The following GLIS3 variants were observed in gnomAD, a reference collection of about 807,000 sequenced individuals.
GLIS3 encodes GLIS family zinc finger 3, also known as zinc finger protein GLIS3.
Under a neutral mutation model 78.6 loss-of-function variants are expected in GLIS3, and 53 were observed. The observed-to-expected ratio is 0.67, with a 90% CI of 0.54 to 0.85. The LOEUF is 0.85. GLIS3 is among the 40% of genes least tolerant of loss of function. The pLI is 0.00. For synonymous variants in GLIS3, 684 were observed against 509.9 expected, an observed-to-expected ratio of 1.34 and a Z score of -4.60; for missense variants, 1,703 against 1,231.1, an observed-to-expected ratio of 1.38 and a Z score of -5.74.
chr9:4,458,745 A>G, the GLIS3 span, among the ~76,000 whole-genome samples: 2 of 152,074 alleles, frequency 1.3e-5, no homozygotes, highest in Non-Finnish European at 2.9e-5. Flanking sequence ...TTGTGGTGAG[A>G]TGAGATCGCA....
chr9:4,045,405 G>C (rs776388943), intron 4 of GLIS3, among the ~76,000 whole-genome samples: 1 of 151,782 alleles, frequency 6.6e-6, no homozygotes, highest in Non-Finnish European at 1.5e-5. Context: ...GTGCGATCTC[G>C]GCTCACTGCA....
At chr9:4,075,971 C>G (rs142038631) in intron 4 of GLIS3, among the ~76,000 whole-genome samples, 2 of 152,230 alleles carry the variant, frequency 1.3e-5, no homozygotes, top group African/African-American at 4.8e-5. Flanking sequence ...GAAGGATTGA[C>G]TGCAAAGGAA....
chr9:4,306,473 C>G (rs895293203), intron 4 of GLIS3, among the ~76,000 whole-genome samples: 5 of 152,232 alleles, frequency 3.3e-5, no homozygotes, highest in African/African-American at 1.2e-4. Flanking sequence ...TGTCAGACAA[C>G]TGCCTCGAAC....
At chr9:4,270,659 G>C (rs916048021) in intron 2 of GLIS3, among the ~76,000 whole-genome samples, 16 of 152,178 alleles carry the variant, frequency 1.1e-4, no homozygotes, top group African/African-American at 3.9e-4. Context: ...AATACAGTCT[G>C]ACAATAAACA....
intron 2 of GLIS3, among the ~76,000 whole-genome samples, chr9:4,324,296 TC>T (rs1174676508): frequency 2.0e-5 from 3 of 152,212 alleles, no homozygotes; most frequent in African/African-American, 7.2e-5. Context: ...TGCTGACTTT[TC>T]CTATAGGCAG....
intron 6 of GLIS3, among the ~76,000 whole-genome samples, chr9:3,905,436 C>T (rs1036570182): frequency 4.6e-5 from 7 of 152,066 alleles, no homozygotes; most frequent in Admixed American, 2.0e-4. Flanking sequence ...TTAGGGAAAG[C>T]GGTCTTTGTT....
chr9:4,243,974 T>A (rs990125614), intron 2 of GLIS3, among the ~76,000 whole-genome samples: 1 of 152,244 alleles, frequency 6.6e-6, no homozygotes, highest in African/African-American at 2.4e-5. Context: ...TTCTTTCCCT[T>A]GCTGAGAACA....
chr9:3,824,346 TAATTAC>T lies in GLIS3; in HGVS notation c.*3920_*3925del, dbSNP rs1246169031. ...CTCCCGCATCATCTGCCTTTAATTA[TAATTAC>T]CATTCCCAGTATGTAAGAGGCTGAT... On this transcript the variant is annotated 3_prime_UTR_variant, in exon 11 of 11. Coordinates refer to ENST00000381971, the MANE Select transcript of GLIS3 (RefSeq NM_001042413.2). 6.6e-6 allele frequency: 1 copy of T among 152,612 alleles called. No individual in the cohort carries two copies. The highest frequency in any genetic ancestry group is 2.4e-5 in the African/African-American group (1 of 41,438). The allele number at this position is 152,612 out of a possible 1,614,324, so 9.5% of individuals were successfully genotyped here.
At chr9:3,968,201 T>C (rs1203377457) in intron 4 of GLIS3, among the ~76,000 whole-genome samples, 1 of 152,200 alleles carries the variant, frequency 6.6e-6, no homozygotes, top group East Asian at 1.9e-4. Context: ...GATTTTATCA[T>C]GTAGCAGGAG....
chr9:4,349,771 G>A (rs975244357), upstream of GLIS3, among the ~76,000 whole-genome samples: 5 of 152,122 alleles, frequency 3.3e-5, no homozygotes, highest in South Asian at 2.1e-4. Flanking sequence ...AAAAATATCC[G>A]GGTACCAGAA....
chr9:4,112,122 G>A (rs964935151), intron 4 of GLIS3, among the ~76,000 whole-genome samples: 1 of 152,136 alleles, frequency 6.6e-6, no homozygotes, highest in Non-Finnish European at 1.5e-5. Context: ...AAATCAAGGA[G>A]GCAAGGAGGT....
intron 4 of GLIS3, among the ~76,000 whole-genome samples, chr9:3,984,952 G>A (rs544529343): frequency 1.3e-5 from 2 of 152,140 alleles, no homozygotes; most frequent in Admixed American, 6.5e-5. Flanking sequence ...TGACTTGCTC[G>A]TCCTTGCCTT....
At chr9:4,393,029 T>C in the GLIS3 span, among the ~76,000 whole-genome samples, 9 of 151,956 alleles carry the variant, frequency 5.9e-5, no homozygotes, top group African/African-American at 2.2e-4. Context: ...GAAGATTTGA[T>C]AGAAAAAAAA....
chr9:4,472,620 G>T, the GLIS3 span, among the ~76,000 whole-genome samples: 1 of 151,482 alleles, frequency 6.6e-6, no homozygotes, highest in East Asian at 1.9e-4. Flanking sequence ...GGTGTGGGGA[G>T]GGGGGAGGGA....
chr9:4,406,737 C>G, the GLIS3 span, among the ~76,000 whole-genome samples: 1 of 151,968 alleles, frequency 6.6e-6, no homozygotes, highest in Non-Finnish European at 1.5e-5. Context: ...AGGAATTAAC[C>G]AAATACGTGA....
intron 2 of GLIS3, among the ~76,000 whole-genome samples, chr9:4,317,076 TTAGAG>T (rs1190490398): frequency 1.3e-5 from 2 of 152,238 alleles, no homozygotes; most frequent in African/African-American, 4.8e-5. Flanking sequence ...AGCAGGGCAC[TTAGAG>T]TAAAGAAAAG....
intron 2 of GLIS3, among the ~76,000 whole-genome samples, chr9:4,341,686 C>A (rs894836604): frequency 6.6e-6 from 1 of 152,300 alleles, no homozygotes; most frequent in Admixed American, 6.5e-5. Context: ...GTGCCTCTGG[C>A]CAGCTCTGAT....
intron 4 of GLIS3, among the ~76,000 whole-genome samples, chr9:4,082,535 C>T (rs1339964358): frequency 6.6e-6 from 1 of 152,140 alleles, no homozygotes; most frequent in Non-Finnish European, 1.5e-5. Flanking sequence ...AAGCTAACAC[C>T]TCAGCAAGCT....
At chr9:3,942,679 C>T (rs1816014102) in intron 4 of GLIS3, among the ~76,000 whole-genome samples, 2 of 152,196 alleles carry the variant, frequency 1.3e-5, no homozygotes, top group South Asian at 2.1e-4. Flanking sequence ...CCCAGCTTCA[C>T]CTAGGAGACT....
Sources: allele counts gnomAD v4.1 joint callset (sites outside exome capture counted in the v4.1 genomes callset), GRCh38; gene constraint gnomAD v4.1.1; transcripts MANE v1.5; gene names NCBI Gene and HGNC (gene_info 2026-07-23, HGNC 2026-07-21).